GNAO1: variants seen among roughly 807,000 people sequenced by gnomAD.
GNAO1 encodes the protein G protein subunit alpha o1.
For synonymous variants in GNAO1, 164 were observed against 180.7 expected (o/e 0.91, Z 0.74); for missense variants, 166 against 478.7 (o/e 0.35, Z 6.10).
intron 2 of GNAO1, among the ~76,000 whole-genome samples, chr16:56,262,248 G>A (rs1432631663): frequency 1.3e-5 from 2 of 152,198 alleles, no homozygotes; most frequent in Non-Finnish European, 1.5e-5. Context: ...AGTCACCACC[G>A]CGCCCCACAG....
chr16:56,316,013 T>C (rs1210021806), intron 3 of GNAO1, among the ~76,000 whole-genome samples: 3 of 151,522 alleles, frequency 2.0e-5, no homozygotes, highest in Admixed American at 1.3e-4. Context: ...AGGCCAAAGA[T>C]CTTGCCACTG....
At chr16:56,225,687 T>C (rs2036527535) in intron 2 of GNAO1, among the ~76,000 whole-genome samples, 1 of 152,158 alleles carries the variant, frequency 6.6e-6, no homozygotes, top group Non-Finnish European at 1.5e-5. Flanking sequence ...CATCCATTAG[T>C]AAGACAGTAA....
At chr16:56,252,323 G>A (rs2036806931) in intron 2 of GNAO1, among the ~76,000 whole-genome samples, 1 of 152,220 alleles carries the variant, frequency 6.6e-6, no homozygotes, top group Non-Finnish European at 1.5e-5. Context: ...TAGATGCCAG[G>A]CTGCTGGACA....
chr16:56,318,014 T>C (rs567036578), intron 3 of GNAO1, among the ~76,000 whole-genome samples: 1 of 152,274 alleles, frequency 6.6e-6, no homozygotes, highest in African/African-American at 2.4e-5. Flanking sequence ...ACCCCAGTTG[T>C]TGCCACTACC....
intron 3 of GNAO1, among the ~76,000 whole-genome samples, chr16:56,313,307 A>G (rs1303215897): frequency 4.1e-5 from 6 of 146,328 alleles, no homozygotes; most frequent in African/African-American, 8.4e-5. Flanking sequence ...CATTTTGTTT[A>G]TGTAGGTTAT....
intron 3 of GNAO1, among the ~76,000 whole-genome samples, chr16:56,320,283 G>A (rs1433417535): frequency 1.3e-5 from 2 of 152,156 alleles, no homozygotes; most frequent in African/African-American, 2.4e-5. Flanking sequence ...GCAGCCCTGG[G>A]CAGCCTATGA....
chr16:56,301,363 G>T (rs1213178090), intron 3 of GNAO1, among the ~76,000 whole-genome samples: 1 of 152,180 alleles, frequency 6.6e-6, no homozygotes, highest in Non-Finnish European at 1.5e-5. Context: ...GAAGGGATGT[G>T]GGGGAGCCGG....
intron 3 of GNAO1, among the ~76,000 whole-genome samples, chr16:56,290,966 G>T (rs1419512876): frequency 6.6e-6 from 1 of 152,194 alleles, no homozygotes; most frequent in Non-Finnish European, 1.5e-5. Context: ...TGTTGTAGCT[G>T]AATCACATTT....
At chr16:56,297,527 GT>G (rs2037299634) in intron 3 of GNAO1, among the ~76,000 whole-genome samples, 4 of 47,882 alleles carry the variant, frequency 8.4e-5, no homozygotes, top group African/African-American at 3.2e-4. Flanking sequence ...TAACTGGTGT[GT>G]GTGTGTGTGT....
rs535272504 is a variant in GNAO1, at chr16:56,345,133, G to A, written c.724-6251G>A. On this transcript the variant is annotated intron_variant, in intron 6 of 8. Coordinates refer to ENST00000262493, the MANE Select transcript of GNAO1 (RefSeq NM_020988.3). ...ACTGCGGAGATCCCTGAGCAGAAGG[G>A]GGCGGGGTAGCTTCTCCCGGTGACG... The A allele has an allele frequency of 3.0e-6, 3 of 985,852 alleles. No individual in the cohort carries two copies. The South Asian group carries it at 1.4e-4, about 46-fold the overall frequency. 61.1% of individuals were successfully genotyped at this position (985,852 alleles called of 1,614,324 possible). A position where few individuals can be genotyped will look rare whatever the true frequency, so the allele number is the denominator to read the frequency against.
At chr16:56,328,154 G>A (rs1379030910) in intron 3 of GNAO1, among the ~76,000 whole-genome samples, 1 of 152,190 alleles carries the variant, frequency 6.6e-6, no homozygotes, top group Non-Finnish European at 1.5e-5. Context: ...TCTAGGGACT[G>A]CATTCCACCC....
chr16:56,322,117 C>G (rs1347403238), intron 3 of GNAO1, among the ~76,000 whole-genome samples: 2 of 152,250 alleles, frequency 1.3e-5, no homozygotes, highest in East Asian at 3.9e-4. Flanking sequence ...GCACTAACCC[C>G]CTTCCTGAGA....
chr16:56,211,779 G>C (rs1333092511), intron 2 of GNAO1, among the ~76,000 whole-genome samples: 1 of 152,164 alleles, frequency 6.6e-6, no homozygotes, highest in Non-Finnish European at 1.5e-5. Context: ...CCCGCTTCTC[G>C]TTGATTGTCC....
intron 7 of GNAO1, chr16:56,352,605 G>A (rs1193733255): frequency 2.0e-5 from 3 of 152,264 alleles, no homozygotes; most frequent in Non-Finnish European, 4.4e-5. Context: ...AGGGCCACAC[G>A]GGTCCCCAAG....
At chr16:56,319,445 C>A (rs1210291616) in intron 3 of GNAO1, among the ~76,000 whole-genome samples, 2 of 152,122 alleles carry the variant, frequency 1.3e-5, no homozygotes, top group Non-Finnish European at 2.9e-5. Context: ...ACACAGGGGG[C>A]AGGGCCCTGA....
At chr16:56,254,089 A>T (rs1175992120) in intron 2 of GNAO1, among the ~76,000 whole-genome samples, 9 of 152,222 alleles carry the variant, frequency 5.9e-5, no homozygotes, top group African/African-American at 2.2e-4. Context: ...TTAAAAAAAT[A>T]AACATATCTT....
chr16:56,280,647 A>G (rs1162817116), intron 3 of GNAO1, among the ~76,000 whole-genome samples: 1 of 152,184 alleles, frequency 6.6e-6, no homozygotes, highest in Non-Finnish European at 1.5e-5. Flanking sequence ...GCAACAGACC[A>G]CGAATAAGGT....
At position 56,326,364 on chromosome 16, in the gene GNAO1, A is replaced by C. The variant is rs1271025002; in HGVS notation, c.304-2267A>C. Among the ~76,000 whole-genome samples, 1 of 152,208 alleles carries C rather than the reference A, an allele frequency of 6.6e-6. No homozygotes were observed. The highest frequency in any genetic ancestry group is 2.4e-5 in the African/African-American group (1 of 41,456). ...TCAGCCACAGAGACATGTGAAGAGC[A>C]AGAAGACAGGGTATGTCTGGTGCCT... On this transcript the variant is annotated intron_variant, in intron 3 of 8. Coordinates refer to ENST00000262493, the MANE Select transcript of GNAO1 (RefSeq NM_020988.3). This position sits in a 1 kb window ranked among gnomAD's most constrained non-coding sequence, Gnocchi z 4.8.
intron 2 of GNAO1, among the ~76,000 whole-genome samples, chr16:56,247,332 A>G (rs745821157): frequency 6.6e-6 from 1 of 152,130 alleles, no homozygotes; most frequent in Non-Finnish European, 1.5e-5. Context: ...CTTTCCTTCT[A>G]GGCCGCAAAA....
Sources: allele counts gnomAD v4.1 joint callset (sites outside exome capture counted in the v4.1 genomes callset), GRCh38; gene constraint gnomAD v4.1.1; non-coding constraint Gnocchi (gnomAD v3.1); transcripts MANE v1.5; gene names NCBI Gene and HGNC (gene_info 2026-07-23, HGNC 2026-07-21).